FAM227B: variants seen among roughly 807,000 people sequenced by gnomAD.
The protein encoded by FAM227B is protein FAM227B.
In FAM227B, 88 loss-of-function variants were observed where a neutral mutation model predicts 73.8. The observed-to-expected ratio is 1.19, with a 90% confidence interval of 1.00 to 1.42. The LOEUF (loss-of-function observed/expected upper bound fraction) is 1.42, where lower values mean the gene tolerates loss of function less well. Among genes scored for constraint, FAM227B ranks in the 40% most tolerant of loss-of-function variants. The pLI, the probability that FAM227B is intolerant of heterozygous loss-of-function variation, is 0.00. For synonymous variants in FAM227B, 210 were observed against 190.5 expected (o/e 1.10, Z -0.84); for missense variants, 632 against 590.9 (o/e 1.07, Z -0.72).
intron 11 of FAM227B, among the ~76,000 whole-genome samples, chr15:49,406,271 C>T (rs2048502799): frequency 6.6e-6 from 1 of 152,082 alleles, no homozygotes; most frequent in South Asian, 2.1e-4. Flanking sequence ...GTGGGGTGCA[C>T]ACTCGTTGGC....
chr15:49,377,327 G>C (rs1363832621), intron 11 of FAM227B, among the ~76,000 whole-genome samples: 1 of 152,004 alleles, frequency 6.6e-6, no homozygotes, highest in Non-Finnish European at 1.5e-5. Context: ...CAACATACAG[G>C]AGTACAGATA....
intron 3 of FAM227B, among the ~76,000 whole-genome samples, chr15:49,596,935 T>C (rs779580583): frequency 3.3e-5 from 5 of 151,960 alleles, no homozygotes; most frequent in Non-Finnish European, 5.9e-5. Context: ...ATCCTAAATA[T>C]ATATGCACCT....
intron 10 of FAM227B, among the ~76,000 whole-genome samples, chr15:49,516,143 A>T (rs993941427): frequency 9.9e-5 from 15 of 152,072 alleles, no homozygotes; most frequent in South Asian, 4.2e-4. Context: ...ACTTAAAAAA[A>T]TTTTTTTATT....
At chr15:49,347,027 C>G (rs1460882574) in intron 13 of FAM227B, among the ~76,000 whole-genome samples, 1 of 152,142 alleles carries the variant, frequency 6.6e-6, no homozygotes, top group Non-Finnish European at 1.5e-5. Flanking sequence ...GAAATAACAT[C>G]ATTGTTGGAA....
chr15:49,346,437 C>A (rs771556363), intron 13 of FAM227B, among the ~76,000 whole-genome samples: 4 of 152,158 alleles, frequency 2.6e-5, no homozygotes, highest in Non-Finnish European at 5.9e-5. Context: ...ACCCCCATTT[C>A]CCTAACCCAA....
intron 2 of FAM227B, among the ~76,000 whole-genome samples, chr15:49,611,867 C>T (rs1189462824): frequency 6.6e-6 from 1 of 152,070 alleles, no homozygotes; most frequent in East Asian, 1.9e-4. Flanking sequence ...TTTCCCAAAC[C>T]CTCTTTCAAT....
chr15:49,604,866 T>C (rs1485784743), intron 3 of FAM227B, among the ~76,000 whole-genome samples: 1 of 152,186 alleles, frequency 6.6e-6, no homozygotes, highest in Admixed American at 6.5e-5. Flanking sequence ...AATCATTATG[T>C]TCTTCAGCTC....
At chr15:49,420,400 T>TA (rs61537782) in intron 11 of FAM227B, among the ~76,000 whole-genome samples, 3,646 of 150,600 alleles carry the variant, frequency 0.024, 94 homozygotes, top group South Asian at 0.13. Flanking sequence ...ATTTTTCTGT[T>TA]AAAAAAAAAT....
At chr15:49,336,413 C>T (rs2039721993) in intron 13 of FAM227B, among the ~76,000 whole-genome samples, 2 of 152,154 alleles carry the variant, frequency 1.3e-5, no homozygotes, top group Non-Finnish European at 2.9e-5. Flanking sequence ...GGAGACAGCT[C>T]CTCAGCTTGT....
intron 11 of FAM227B, among the ~76,000 whole-genome samples, chr15:49,401,206 T>C (rs984303261): frequency 6.6e-6 from 1 of 152,190 alleles, no homozygotes; most frequent in African/African-American, 2.4e-5. Context: ...GAACAGACAC[T>C]TCTCAAAAGA....
chr15:49,593,125 T>C (rs149049212), intron 3 of FAM227B, among the ~76,000 whole-genome samples: 36 of 152,302 alleles, frequency 2.4e-4, no homozygotes, highest in African/African-American at 7.9e-4. Flanking sequence ...GGAAATTCCC[T>C]GACCCCTTGC....
chr15:49,342,235 G>A (rs1478249595), intron 13 of FAM227B, among the ~76,000 whole-genome samples: 2 of 152,070 alleles, frequency 1.3e-5, no homozygotes. Context: ...TATATATTTA[G>A]GATAGTTAAG....
At chr15:49,487,803 T>A (rs2056528608) in intron 11 of FAM227B, 1 of 151,994 alleles carries the variant, frequency 6.6e-6, no homozygotes, top group Admixed American at 6.6e-5. Flanking sequence ...TATTTGTGGT[T>A]GCGTTAATAT....
chr15:49,542,177 T>A (rs1034996255), intron 9 of FAM227B, among the ~76,000 whole-genome samples: 1 of 152,206 alleles, frequency 6.6e-6, no homozygotes, highest in Non-Finnish European at 1.5e-5. Flanking sequence ...AGGTTTCTTA[T>A]ATAGGTAAAT....
At chr15:49,474,214 G>T (rs777098537) in intron 11 of FAM227B, among the ~76,000 whole-genome samples, 5 of 152,068 alleles carry the variant, frequency 3.3e-5, no homozygotes, top group Non-Finnish European at 5.9e-5. Flanking sequence ...CCCAGTTCTT[G>T]CTGAGATACT....
Position 49,365,777 on chromosome 15 carries a change from A to G in FAM227B, c.1271+1671T>C, listed in dbSNP as rs1567160847. On this transcript the variant is annotated intron_variant, in intron 13 of 15. Transcript: ENST00000299338. Reference sequence around the variant, plus strand: ...CTGTCTTCATTTTGAAACACAGCCCAAACAATAGCTATTGCTATGCACAGT... The same window carrying G: ...CTGTCTTCATTTTGAAACACAGCCCGAACAATAGCTATTGCTATGCACAGT... 7.0e-6 allele frequency: 6 copies of G among 854,472 alleles called. No homozygotes were observed. In the East Asian group the frequency reaches 1.2e-4, roughly 17 times the overall value. The allele number at this position is 854,472 out of a possible 1,614,324, so 52.9% of individuals were successfully genotyped here. A position where few individuals can be genotyped will look rare whatever the true frequency, so the allele number is the denominator to read the frequency against.
intron 10 of FAM227B, among the ~76,000 whole-genome samples, chr15:49,518,221 A>AAT (rs1242911322): frequency 6.6e-6 from 1 of 152,190 alleles, no homozygotes; most frequent in Non-Finnish European, 1.5e-5. Context: ...GTTGTCCAAA[A>AAT]TTATTGTATT....
intron 1 of FAM227B, among the ~76,000 whole-genome samples, chr15:49,619,523 G>A (rs944584932): frequency 8.5e-5 from 13 of 152,138 alleles, no homozygotes; most frequent in African/African-American, 3.1e-4. Context: ...CTGCTAGCAT[G>A]CCCACTCTAG....
At chr15:49,595,211 T>C (rs1351895644) in intron 3 of FAM227B, among the ~76,000 whole-genome samples, 1 of 152,068 alleles carries the variant, frequency 6.6e-6, no homozygotes, top group Non-Finnish European at 1.5e-5. Flanking sequence ...TAATTAATTG[T>C]AAAAGAGGTG....
Sources: gnomAD v4.1 joint callset for allele counts (sites outside exome capture counted in the v4.1 genomes callset) on GRCh38, gnomAD v4.1.1 for gene constraint, MANE v1.5 for transcripts, NCBI Gene and HGNC (gene_info 2026-07-23, HGNC 2026-07-21) for gene names.